Variants in DENND5A observed in about 807,000 individuals in gnomAD.
DENND5A encodes the protein DENN domain-containing protein 5A.
Under a neutral mutation model 140.3 loss-of-function variants are expected in DENND5A, and 64 were observed. The ratio of observed to expected loss-of-function variants is 0.46; its 90% CI spans 0.37 to 0.56. The LOEUF (loss-of-function observed/expected upper bound fraction) is 0.56, where lower values mean the gene tolerates loss of function less well. Among genes scored for constraint, DENND5A ranks in the 20% least tolerant of loss-of-function variants. The pLI is 0.00. For missense variants in DENND5A, 1,292 were observed against 1,593.8 expected, an observed-to-expected ratio of 0.81 and a Z score of 3.22; for synonymous variants, 605 against 607.7, an observed-to-expected ratio of 1.00 and a Z score of 0.07.
At chr11:9,196,522 A>G (rs576970236) in intron 4 of DENND5A, among the ~76,000 whole-genome samples, 1 of 152,216 alleles carries the variant, frequency 6.6e-6, no homozygotes, top group African/African-American at 2.4e-5. Flanking sequence ...GGCAGAAGTT[A>G]CACACTTCGC....
intron 8 of DENND5A, chr11:9,171,028 C>A: frequency 1.9e-6 from 1 of 515,792 alleles, no homozygotes; most frequent in East Asian, 4.0e-5. Flanking sequence ...TGAGGTAACC[C>A]CTAGAACTAT....
At chr11:9,262,078 A>AC (rs1375771651) in intron 1 of DENND5A, among the ~76,000 whole-genome samples, 1 of 152,174 alleles carries the variant, frequency 6.6e-6, no homozygotes, top group Non-Finnish European at 1.5e-5. Context: ...ATCCATTAAG[A>AC]CAGTAACATT....
At chr11:9,236,743 A>AG in intron 1 of DENND5A, among the ~76,000 whole-genome samples, 2 of 150,894 alleles carry the variant, frequency 1.3e-5, no homozygotes, top group South Asian at 4.2e-4. Flanking sequence ...AAAAGATGAA[A>AG]AGGAAGAGAG....
At chr11:9,258,283 A>AC (rs1397306820) in intron 1 of DENND5A, among the ~76,000 whole-genome samples, 8 of 71,356 alleles carry the variant, frequency 1.1e-4, no homozygotes, top group African/African-American at 2.1e-4. Context: ...CTAGTCCCCC[A>AC]CCCCCCCAAC....
intron 10 of DENND5A, among the ~76,000 whole-genome samples, chr11:9,167,878 C>T (rs1344013992): frequency 2.0e-5 from 3 of 152,236 alleles, no homozygotes; most frequent in Non-Finnish European, 4.4e-5. Flanking sequence ...TCTTCCAAAT[C>T]ATCTTGTTTG....
intron 1 of DENND5A, among the ~76,000 whole-genome samples, chr11:9,220,233 T>A (rs1850255364): frequency 6.6e-6 from 1 of 152,218 alleles, no homozygotes; most frequent in Non-Finnish European, 1.5e-5. Flanking sequence ...AATGATAGTT[T>A]GCTTGCAATG....
intron 1 of DENND5A, among the ~76,000 whole-genome samples, chr11:9,218,960 C>T (rs976387603): frequency 1.6e-4 from 24 of 151,826 alleles, no homozygotes; most frequent in Admixed American, 1.6e-3. Context: ...AAGCCAAGAT[C>T]GCGCCACTGC....
At chr11:9,170,065 T>C in intron 9 of DENND5A, 116 bp from the exon 10 acceptor site, 3 of 879,912 alleles carry the variant, frequency 3.4e-6, no homozygotes, top group East Asian at 2.5e-5. Flanking sequence ...GGAAATGACC[T>C]AGATGTCACC....
intron 1 of DENND5A, among the ~76,000 whole-genome samples, chr11:9,214,136 C>A (rs1196086562): frequency 6.6e-6 from 1 of 152,196 alleles, no homozygotes; most frequent in Non-Finnish European, 1.5e-5. Flanking sequence ...GGCACTGTAT[C>A]TTTCCTGTTA....
intron 1 of DENND5A, among the ~76,000 whole-genome samples, chr11:9,263,184 G>T (rs1166471481): frequency 6.6e-6 from 1 of 151,988 alleles, no homozygotes; most frequent in African/African-American, 2.4e-5. Flanking sequence ...GTTAAAGCAT[G>T]AATTTATCAT....
At chr11:9,171,421 A>G (rs952816218) in intron 8 of DENND5A, 3 of 152,262 alleles carry the variant, frequency 2.0e-5, no homozygotes, top group African/African-American at 7.2e-5. Flanking sequence ...AGCCTAAAGG[A>G]TGCTCTGGTC....
chr11:9,145,866 A>C (rs770821732), intron 16 of DENND5A, 51 bp from the exon 17 acceptor site: 13 of 1,601,960 alleles, frequency 8.1e-6, no homozygotes, highest in Non-Finnish European at 1.1e-5. Context: ...AATCTTTCCC[A>C]TACCAGATGG....
chr11:9,233,023 G>T (rs1850836103), intron 1 of DENND5A, among the ~76,000 whole-genome samples: 1 of 152,202 alleles, frequency 6.6e-6, no homozygotes, highest in Non-Finnish European at 1.5e-5. Flanking sequence ...AAACTATGCT[G>T]TTAGAAGTCA....
At position 9,152,445 on chromosome 11, in the gene DENND5A, G is replaced by A. The variant is rs1281359289; in HGVS notation, c.2437-3C>T. 1 of 1,608,182 alleles carries A rather than the reference G, an allele frequency of 6.2e-7. No homozygotes were observed. The highest frequency in any genetic ancestry group is 2.2e-5 in the East Asian group (1 of 44,852). ...TGGGACCATAAGGCTGATTTCCCCT[G>A]GAACCAATGCAAGGGAGAAACACCT... On this transcript the variant is annotated splice_polypyrimidine_tract_variant and splice_region_variant and intron_variant, in intron 12 of 22. Coordinates refer to ENST00000328194, the MANE Select transcript of DENND5A (RefSeq NM_015213.4).
At chr11:9,255,621 T>G (rs1205890212) in intron 1 of DENND5A, among the ~76,000 whole-genome samples, 1 of 152,034 alleles carries the variant, frequency 6.6e-6, no homozygotes, top group Non-Finnish European at 1.5e-5. Flanking sequence ...ATCCCAGCAC[T>G]TTGGAAGGCA....
intron 1 of DENND5A, among the ~76,000 whole-genome samples, chr11:9,210,989 C>T (rs1472593622): frequency 6.6e-6 from 1 of 152,122 alleles, no homozygotes; most frequent in African/African-American, 2.4e-5. Flanking sequence ...ACCAACTTTC[C>T]TGCAGACAAG....
chr11:9,249,580 C>T (rs923688806), intron 1 of DENND5A, among the ~76,000 whole-genome samples: 2 of 151,938 alleles, frequency 1.3e-5, no homozygotes, highest in Non-Finnish European at 2.9e-5. Context: ...CAGAGTTTCG[C>T]TCTTGTTGCC....
rs1488263355 is a variant in DENND5A at position 9,144,099 on chromosome 11, G to A, written c.3302C>T (p.Pro1101Leu). ...GCCCAACCCCTCCTCCCACTTACTG[G>A]GCTTGTTGTTGGGTGAGATGGTAAC... Reference protein sequence around the residue: ...RLVTISPNNKPKLNTGQIQES... With the variant: ...RLVTISPNNKLKLNTGQIQES... Residue 1101 changes from proline to leucine, a missense_variant and splice_region_variant, in exon 19 of 23, where the codon CCC becomes CTC. By Grantham distance (98) the Pro-to-Leu change is moderately conservative (BLOSUM62 -3). This residue lies in a region of DENND5A where 498 missense variants were observed against 689.7 expected (regional missense o/e 0.72). Coordinates refer to ENST00000328194, the MANE Select transcript of DENND5A (RefSeq NM_015213.4). 2 of 1,612,712 alleles carry A rather than the reference G, an allele frequency of 1.2e-6. No individual in the cohort carries two copies. Among genetic ancestry groups the A allele is most frequent in the Admixed American group, 3.3e-5 (2 of 59,768 alleles).
At chr11:9,140,785 A>G (rs2136108284) in intron 22 of DENND5A, among the ~76,000 whole-genome samples, 1 of 152,140 alleles carries the variant, frequency 6.6e-6, no homozygotes, top group South Asian at 2.1e-4. Flanking sequence ...TCATTTTTGG[A>G]CCCTCAAAAC....
Sources: gnomAD v4.1 joint callset for allele counts (sites outside exome capture counted in the v4.1 genomes callset) on GRCh38, gnomAD v4.1.1 for gene constraint, gnomAD v4.1.1 regional missense constraint, MANE v1.5 for transcripts, NCBI Gene and HGNC (gene_info 2026-07-23, HGNC 2026-07-21) for gene names.